The following SEZ6L2 variants were observed in gnomAD, a reference collection of about 807,000 sequenced individuals.
SEZ6L2 encodes the protein seizure 6-like protein 2.
A neutral mutation model predicts 97.0 loss-of-function variants in SEZ6L2; 44 were observed. That is an observed-to-expected ratio of 0.45 (90% CI 0.36 to 0.58). SEZ6L2 has a LOEUF of 0.58. Among genes scored for constraint, SEZ6L2 ranks in the 20% least tolerant of loss-of-function variants. The pLI is 0.00. For missense variants in SEZ6L2, 1,086 were observed against 1,233.3 expected, an observed-to-expected ratio of 0.88 and a Z score of 1.79; for synonymous variants, 543 against 546.1, an observed-to-expected ratio of 0.99 and a Z score of 0.08.
At chr16:29,892,234 A>C (rs2068285500) in intron 5 of SEZ6L2, among the ~76,000 whole-genome samples, 1 of 152,228 alleles carries the variant, frequency 6.6e-6, no homozygotes, top group African/African-American at 2.4e-5. Context: ...CAGGTTGGGA[A>C]GGGCTGAAAC....
At chr16:29,892,699 C>T (rs1199868316) in intron 5 of SEZ6L2, among the ~76,000 whole-genome samples, 3 of 152,258 alleles carry the variant, frequency 2.0e-5, no homozygotes, top group Admixed American at 6.5e-5. Flanking sequence ...GGGCAGAGTG[C>T]GTGACACCAG....
Position 29,896,952 on chromosome 16 carries a change from TG to T in SEZ6L2, c.380del (p.Pro127GlnfsTer41). 6.4e-7 allele frequency: 1 copy of T among 1,566,254 alleles called. No individual in the cohort carries two copies. ...TGGGTGGGGGTGGGGCTGTGGTTCC[TG>T]GGGGCGGGGTCAGCAGTTCTGGCGC... ...PTAPELLTPP[P>X]GTTAPPPPSP... On this transcript the variant is annotated frameshift_variant, in exon 3 of 18. Coordinates refer to ENST00000617533, the MANE Select transcript of SEZ6L2 (RefSeq NM_001243332.2). LOFTEE classifies it high-confidence loss of function.
At chr16:29,883,019 C>A (rs921284759) in intron 8 of SEZ6L2, among the ~76,000 whole-genome samples, 2 of 152,166 alleles carry the variant, frequency 1.3e-5, no homozygotes, top group Admixed American at 1.3e-4. Flanking sequence ...AGAATCTATC[C>A]CGCAATTCAT....
intron 3 of SEZ6L2, among the ~76,000 whole-genome samples, chr16:29,896,360 A>G (rs1041934337): frequency 2.7e-5 from 4 of 150,894 alleles, no homozygotes; most frequent in African/African-American, 9.8e-5. Flanking sequence ...GCTCACCACA[A>G]CCTCCACCTC....
intron 12 of SEZ6L2, among the ~76,000 whole-genome samples, chr16:29,875,396 G>C (rs981196397): frequency 6.6e-6 from 1 of 152,122 alleles, no homozygotes; most frequent in African/African-American, 2.4e-5. Context: ...CCTTGGGCAG[G>C]TTCCCTCCTG....
rs757830804 is a variant in SEZ6L2 at position 29,895,445 on chromosome 16, G to A, written c.667C>T (p.Leu223=). 5.0e-6 allele frequency: 8 copies of A among 1,613,936 alleles called. 1 individual carries two copies. The South Asian group carries it at 6.6e-5, about 13-fold the overall frequency. Residue 223 remains leucine, a synonymous_variant, in exon 5 of 18, where the codon CTG becomes TTG. Transcript: ENST00000617533. The part of the protein sequence containing the change: ...GIEIQVQTLN[L]SQEEELLVLA... Reference sequence around the variant, plus strand: ...ACCAGGAGCTCCTCTTCCTGTGACAGGTTCAGCGTCTGCACCTAGAGAAGC... The same window carrying A: ...ACCAGGAGCTCCTCTTCCTGTGACAAGTTCAGCGTCTGCACCTAGAGAAGC...
chr16:29,873,554 C>A lies in SEZ6L2; in HGVS notation c.2280G>T (p.Arg760Ser). ...CAGACTCACAGGCGCATTTGGGGAC[C>A]CTATCGCTCCACTTGGGTGTGCCTG... The part of the protein sequence containing the change: ...RDTGTPKWSD[R>S]VPKCALKYEP... The change falls in exon 13 of 18, where the codon AGG becomes AGT. Residue 760 changes from arginine (R) to serine (S), a missense_variant. This residue lies in a region of SEZ6L2 where 310 missense variants were observed against 438.6 expected (regional missense o/e 0.71). Coordinates refer to ENST00000617533, the MANE Select transcript of SEZ6L2 (RefSeq NM_001243332.2). This position sits in a 1 kb window ranked among gnomAD's most constrained non-coding sequence, Gnocchi z 4.3. 4 of 1,614,160 alleles carry A rather than the reference C, an allele frequency of 2.5e-6. No homozygotes were observed. The highest frequency in any genetic ancestry group is 3.4e-6 in the Non-Finnish European group (4 of 1,180,018).
chr16:29,873,481 C>T lies in SEZ6L2; in HGVS notation c.2297-50G>A. The T allele has an allele frequency of 5.6e-6, 9 of 1,613,882 alleles. No homozygotes were observed. Among genetic ancestry groups the T allele is most frequent in the Non-Finnish European group, 7.6e-6 (9 of 1,179,856 alleles). On this transcript the variant is annotated intron_variant, in intron 13 of 17. Coordinates refer to ENST00000617533, the MANE Select transcript of SEZ6L2 (RefSeq NM_001243332.2). This position sits in a 1 kb window ranked among gnomAD's most constrained non-coding sequence, Gnocchi z 4.3. ...GCCAGCTGCACTACTGTGCACGGGG[C>T]AGACGGGCTCTCCCAGGGCTACCCA... is the stretch of plus-strand genomic sequence containing the variant.
intron 1 of SEZ6L2, 96 bp downstream of exon 1, chr16:29,898,845 A>T: frequency 1.1e-6 from 1 of 946,226 alleles, no homozygotes; most frequent in Non-Finnish European, 1.6e-6. Flanking sequence ...CCCCTCCCCC[A>T]TGTGCTCGGA....
Position 29,887,834 on chromosome 16 carries a change from G to A in SEZ6L2, c.1040-17C>T, listed in dbSNP as rs746715923. The A allele has an allele frequency of 1.2e-6, 2 of 1,612,798 alleles. No individual in the cohort carries two copies. The highest frequency in any genetic ancestry group is 2.2e-5 in the South Asian group (2 of 91,036). ...CACAGGATGCTGTGGGCAGAGGAGG[G>A]GTACGTTAAGGCCAGCCTGAGGTGA... On this transcript the variant is annotated splice_polypyrimidine_tract_variant and intron_variant, in intron 6 of 17. Transcript: ENST00000617533.
At chr16:29,874,944 G>A (rs956861386) in intron 12 of SEZ6L2, among the ~76,000 whole-genome samples, 1 of 151,984 alleles carries the variant, frequency 6.6e-6, no homozygotes, top group African/African-American at 2.4e-5. Context: ...GTGAGATCAC[G>A]GCTCACTGCA....
rs56076944 is a variant in SEZ6L2 at position 29,876,028 on chromosome 16, A to C, written c.2104+728T>G. 0.11 allele frequency among the ~76,000 whole-genome samples: 16,307 copies of C among 151,856 alleles called. 2,512 individuals carry two copies. Among genetic ancestry groups the C allele is most frequent in the African/African-American group, 0.32 (13,393 of 41,334 alleles). On this transcript the variant is annotated intron_variant, in intron 12 of 17. Transcript: ENST00000617533. This position sits in a 1 kb window ranked among gnomAD's most constrained non-coding sequence, Gnocchi z 6.5. ...ATTAGCCCACTGCTCTCCCCACAGC[A>C]CTTCGCCACGCCCAGGGCAGCATGC...
rs2067953675 is a variant in SEZ6L2, at chr16:29,878,344, T to C, written c.1655A>G (p.Asp552Gly). Reference sequence around the variant, plus strand: ...CTGGACGTGCACGCCCCACACGCAGTCTTGGCCCGGGCTATAGCTCTGGGG... The same window carrying C: ...CTGGACGTGCACGCCCCACACGCAGCCTTGGCCCGGGCTATAGCTCTGGGG... ...DWPQSYSPGQ[D>G]CVWGVHVQEE... Residue 552 changes from aspartate to glycine, a missense_variant, in exon 10 of 18, where the codon GAC becomes GGC. This residue lies in a region of SEZ6L2 where 776 missense variants were observed against 794.7 expected (regional missense o/e 0.98). Coordinates refer to ENST00000617533, the MANE Select transcript of SEZ6L2 (RefSeq NM_001243332.2). 3 of 1,604,712 alleles carry C rather than the reference T, an allele frequency of 1.9e-6. No individual in the cohort carries two copies. Among genetic ancestry groups the C allele is most frequent in the Non-Finnish European group, 2.6e-6 (3 of 1,175,282 alleles).
In SEZ6L2 at chr16:29,895,338, C is replaced by T; in HGVS notation, c.774G>A (p.Arg258=). The T allele has an allele frequency of 6.2e-7, 1 of 1,614,184 alleles. No individual in the cohort carries two copies. Among genetic ancestry groups the T allele is most frequent in the Non-Finnish European group, 8.5e-7 (1 of 1,180,038 alleles). ...SSMLGEGQVL[R]SPTNRLLLHF... ...GCAGAAGCAGCCGGTTGGTTGGGCTCCGAAGGACTTGTCCTTCTCCAAGCA... is the reference window on the plus strand; with the variant it reads ...GCAGAAGCAGCCGGTTGGTTGGGCTTCGAAGGACTTGTCCTTCTCCAAGCA... The change falls in exon 5 of 18, where the codon CGG becomes CGA. Residue 258 remains arginine, a synonymous_variant. Transcript: ENST00000617533.
chr16:29,877,389 C>T lies in SEZ6L2; in HGVS notation c.1791G>A (p.Arg597=), dbSNP rs2067929795. ...GPSARVLAQL[R]GPQPRRRLLS... is the part of the protein sequence containing the mutation. ...GAAGGCGGCGGCGCGGCTGAGGTCC[C>T]CGCAGCTGGGCCAAGACTCGGGCGC... Residue 597 remains arginine (R), a synonymous_variant, in exon 11 of 18, where the codon CGG becomes CGA. Coordinates refer to ENST00000617533, the MANE Select transcript of SEZ6L2 (RefSeq NM_001243332.2). The T allele has an allele frequency of 6.2e-7, 1 of 1,613,232 alleles. No homozygotes were observed. The highest frequency in any genetic ancestry group is 1.7e-5 in the Admixed American group (1 of 59,936).
intron 9 of SEZ6L2, 24 bp downstream of exon 9, chr16:29,879,840 A>G (rs747024128): frequency 3.8e-6 from 6 of 1,566,938 alleles, no homozygotes; most frequent in South Asian, 2.4e-5. Context: ...ACTGAAGGAC[A>G]TGCCTGCGAC....
chr16:29,874,547 C>CTTTTTTTT (rs1567410632), intron 12 of SEZ6L2, among the ~76,000 whole-genome samples: 3 of 24,538 alleles, frequency 1.2e-4, no homozygotes, highest in Admixed American at 5.3e-4. Context: ...TGTGTGTGTG[C>CTTTTTTTT]TTGTTTTTTT....
chr16:29,879,960 G>A lies in SEZ6L2; in HGVS notation c.1477C>T (p.Pro493Ser). 16 of 1,614,172 alleles carry A rather than the reference G, an allele frequency of 9.9e-6. No homozygotes were observed. The highest frequency in any genetic ancestry group is 1.3e-5 in the Non-Finnish European group (15 of 1,180,014). Reference protein sequence around the residue: ...PGALATFSCLPGYALEPPGPP... With the variant: ...PGALATFSCLSGYALEPPGPP... ...CCAGGGGGCTCCAGGGCATATCCTG[G>A]GAGGCACGAGAAGGTTGCCAGTGCC... The change falls in exon 9 of 18, where the codon CCA becomes TCA. Residue 493 changes from proline (P) to serine (S), a missense_variant. This residue lies in a region of SEZ6L2 where 776 missense variants were observed against 794.7 expected (regional missense o/e 0.98). Coordinates refer to ENST00000617533, the MANE Select transcript of SEZ6L2 (RefSeq NM_001243332.2).
Position 29,876,772 on chromosome 16 carries a change from C to A in SEZ6L2, c.2088G>T (p.Pro696=). ...CQWDLSWSAA[P]PACQKIMTCA... is the part of the protein sequence containing the mutation. Reference sequence around the variant, plus strand: ...CCGGCTCACTCTTTTGGCAGGCGGGCGGCGCGGCGCTCCAAGACAGGTCCC... The same window carrying A: ...CCGGCTCACTCTTTTGGCAGGCGGGAGGCGCGGCGCTCCAAGACAGGTCCC... Residue 696 remains proline, a synonymous_variant, in exon 12 of 18, where the codon CCG becomes CCT. Coordinates refer to ENST00000617533, the MANE Select transcript of SEZ6L2 (RefSeq NM_001243332.2). This position sits in a 1 kb window ranked among gnomAD's most constrained non-coding sequence, Gnocchi z 6.5. The A allele has an allele frequency of 6.4e-7, 1 of 1,551,842 alleles. No homozygotes were observed. The highest frequency in any genetic ancestry group is 8.7e-7 in the Non-Finnish European group (1 of 1,147,500).
Sources: gnomAD v4.1 joint callset for allele counts (sites outside exome capture counted in the v4.1 genomes callset) on GRCh38, gnomAD v4.1.1 for gene constraint, gnomAD v4.1.1 regional missense constraint, Gnocchi (gnomAD v3.1) non-coding constraint, MANE v1.5 for transcripts, NCBI Gene and HGNC (gene_info 2026-07-23, HGNC 2026-07-21) for gene names.